Variants in VSIG10 observed in about 807,000 individuals in gnomAD.
VSIG10 encodes the protein V-set and immunoglobulin domain containing 10.
A neutral mutation model predicts 58.7 loss-of-function variants in VSIG10; 48 were observed. The observed-to-expected ratio is 0.82, with a 90% confidence interval of 0.65 to 1.04. The LOEUF is 1.04. Ranked by LOEUF, VSIG10 falls within the 50% of genes least tolerant of loss-of-function variation. The probability of loss-of-function intolerance (pLI) is 0.00; values close to 1 mark genes in which losing one functional copy is unlikely to be tolerated. For missense variants in VSIG10, 628 were observed against 670.0 expected (o/e 0.94, Z 0.69); for synonymous variants, 260 against 267.1 (o/e 0.97, Z 0.26).
At chr12:118,081,480 C>G (rs1444199055) in intron 3 of VSIG10, among the ~76,000 whole-genome samples, 1 of 151,874 alleles carries the variant, frequency 6.6e-6, no homozygotes, top group Admixed American at 6.6e-5. Flanking sequence ...AGCCACTGAG[C>G]CCATTCAATT....
At chr12:118,079,691 G>C in intron 3 of VSIG10, 85 bp from the exon 4 acceptor site, 1 of 1,543,612 alleles carries the variant, frequency 6.5e-7, no homozygotes, top group African/African-American at 1.4e-5. Flanking sequence ...GCAGAACCAG[G>C]GTCTCAGAGG....
chr12:118,093,085 C>T (rs1592889399), intron 2 of VSIG10, among the ~76,000 whole-genome samples: 4 of 150,844 alleles, frequency 2.7e-5, no homozygotes, highest in African/African-American at 7.3e-5. Context: ...GTCAGGAGAT[C>T]GAGACCATCC....
In VSIG10 at chr12:118,068,371, G is replaced by GC; in HGVS notation, c.1567+5dup. ...CTGTTTGTTTGTTTAAGGAAAAAGAGCTTACCTTGAAGATCCTGGAATCCA... is the reference window on the plus strand; with the variant it reads ...CTGTTTGTTTGTTTAAGGAAAAAGAGCCTTACCTTGAAGATCCTGGAATCCA... On this transcript the variant is annotated splice_donor_region_variant and intron_variant, in intron 8 of 8. Transcript: ENST00000359236. 6.2e-7 allele frequency: 1 copy of GC among 1,612,092 alleles called. No homozygotes were observed. Among genetic ancestry groups the GC allele is most frequent in the Non-Finnish European group, 8.5e-7 (1 of 1,179,092 alleles).
At position 118,068,216 on chromosome 12, in the gene VSIG10, G is replaced by A. The variant is rs554219513; in HGVS notation, c.1567+161C>T. On this transcript the variant is annotated intron_variant, in intron 8 of 8. Transcript: ENST00000359236. ...TTTCTTTTTTTTTTTTTTTTTTTTC[G>A]TAGAGACAGAGTCTCACCATGTTGC... 2.2e-4 allele frequency among the ~76,000 whole-genome samples: 19 copies of A among 86,118 alleles called. 1 individual carries two copies. The highest frequency in any genetic ancestry group is 1.3e-3 in the East Asian group (4 of 3,100). The allele number at this position is 86,118 out of a possible 152,430, so 56.5% of individuals were successfully genotyped here. A position where few individuals can be genotyped will look rare whatever the true frequency, so the allele number is the denominator to read the frequency against.
chr12:118,075,188 ATATATATGTGTGTGTGTG>A lies in VSIG10; in HGVS notation c.926-1214_926-1197del, dbSNP rs1191477897. 8.9e-3 allele frequency among the ~76,000 whole-genome samples: 1,298 copies of A among 146,618 alleles called. 22 individuals carry two copies. The highest frequency in any genetic ancestry group is 0.031 in the African/African-American group (1,199 of 38,816). ...TATATATATGTATATATGTGTGTAT[ATATATATGTGTGTGTGTG>A]TATATATGTGTGTGTGTGTATATAT... On this transcript the variant is annotated intron_variant, in intron 4 of 8. Coordinates refer to ENST00000359236, the MANE Select transcript of VSIG10 (RefSeq NM_019086.6).
At position 118,063,793 on chromosome 12, in the gene VSIG10, G is replaced by A. The variant is rs4128858; in HGVS notation, c.*2846C>T. 59,280 of 151,972 alleles carry A rather than the reference G, an allele frequency of 0.39. 11,824 individuals carry two copies. Among genetic ancestry groups the A allele is most frequent in the Middle Eastern group, 0.5 (148 of 294 alleles). The allele number at this position is 151,972 out of a possible 1,614,324, so 9.4% of individuals were successfully genotyped here. ...CACTTATTGCATCATAATACATTTT[G>A]CCTAGTAAGGATGATTTTCTAAGTC... is the stretch of plus-strand genomic sequence containing the variant. On this transcript the variant is annotated 3_prime_UTR_variant, in exon 9 of 9. Coordinates refer to ENST00000359236, the MANE Select transcript of VSIG10 (RefSeq NM_019086.6).
At chr12:118,080,662 C>A (rs1252970862) in intron 3 of VSIG10, among the ~76,000 whole-genome samples, 5 of 152,132 alleles carry the variant, frequency 3.3e-5, no homozygotes, top group African/African-American at 1.2e-4. Context: ...TGTGGTCCAT[C>A]CACGCAAGGA....
Position 118,071,075 on chromosome 12 carries a change from G to A in VSIG10, c.1331-8C>T. 1 of 1,595,620 alleles carries A rather than the reference G, an allele frequency of 6.3e-7. No homozygotes were observed. Among genetic ancestry groups the A allele is most frequent in the Non-Finnish European group, 8.5e-7 (1 of 1,170,466 alleles). On this transcript the variant is annotated splice_region_variant and splice_polypyrimidine_tract_variant and intron_variant, in intron 6 of 8. Transcript: ENST00000359236. ...ACCTGGAAGTGTTTCCTACTGAAGA[G>A]AGAAAGGAAAAACCATTAATATCCA...
intron 3 of VSIG10, among the ~76,000 whole-genome samples, chr12:118,080,808 G>A (rs1308759843): frequency 1.3e-5 from 2 of 152,210 alleles, no homozygotes; most frequent in Non-Finnish European, 2.9e-5. Context: ...TTCATATGAA[G>A]TGTACAGAAC....
chr12:118,081,231 G>A (rs1254179783), intron 3 of VSIG10, among the ~76,000 whole-genome samples: 2 of 152,108 alleles, frequency 1.3e-5, no homozygotes, highest in African/African-American at 4.8e-5. Flanking sequence ...GGGTGACAGA[G>A]CGAGACTCGG....
chr12:118,081,963 G>A (rs892589651), intron 3 of VSIG10, among the ~76,000 whole-genome samples, 164 bp downstream of exon 3: 1 of 151,260 alleles, frequency 6.6e-6, no homozygotes, highest in Non-Finnish European at 1.5e-5. Context: ...ATTGCGGCGA[G>A]GTGAGATCGC....
chr12:118,076,706 C>T (rs1170851889), intron 4 of VSIG10, among the ~76,000 whole-genome samples: 1 of 151,928 alleles, frequency 6.6e-6, no homozygotes, highest in Non-Finnish European at 1.5e-5. Flanking sequence ...TTCACTCTGA[C>T]ACCCAGGCCT....
Position 118,103,776 on chromosome 12 carries a change from G to A in VSIG10, c.-105C>T. 1.7e-6 allele frequency: 2 copies of A among 1,152,456 alleles called. No homozygotes were observed. Among genetic ancestry groups the A allele is most frequent in the Non-Finnish European group, 2.3e-6 (2 of 874,536 alleles). The allele number at this position is 1,152,456 out of a possible 1,614,324, so 71.4% of individuals were successfully genotyped here. A position where few individuals can be genotyped will look rare whatever the true frequency, so the allele number is the denominator to read the frequency against. Reference sequence around the variant, plus strand: ...TACCGAGGGCTCCTCCCAGGTCCTCGGAACGGCAGAGTGGCCCCACTTCCT... The same window carrying A: ...TACCGAGGGCTCCTCCCAGGTCCTCAGAACGGCAGAGTGGCCCCACTTCCT... On this transcript the variant is annotated 5_prime_UTR_variant, in exon 1 of 9. Transcript: ENST00000359236.
Position 118,070,951 on chromosome 12 carries a change from A to G in VSIG10, c.1346+101T>C, listed in dbSNP as rs1179136303. Reference sequence around the variant, plus strand: ...GTGTCTAGCACATCGTAGGTCCTCAATGGTAGTTGCTATTATTGTTCTTGT... The same window carrying G: ...GTGTCTAGCACATCGTAGGTCCTCAGTGGTAGTTGCTATTATTGTTCTTGT... On this transcript the variant is annotated intron_variant, in intron 7 of 8. Coordinates refer to ENST00000359236, the MANE Select transcript of VSIG10 (RefSeq NM_019086.6). 5.7e-6 allele frequency: 8 copies of G among 1,398,112 alleles called. 1 individual carries two copies. Among genetic ancestry groups the G allele is most frequent in the South Asian group, 2.5e-5 (2 of 81,158 alleles). 86.6% of individuals were successfully genotyped at this position (1,398,112 alleles called of 1,614,324 possible).
chr12:118,064,955 G>A lies in VSIG10; in HGVS notation c.*1684C>T, dbSNP rs959361131. ...ACTAGAGCAGATACGCAACATTAAA[G>A]AGTGCAAATTCAAGTCAGTTTTTCA... On this transcript the variant is annotated 3_prime_UTR_variant, in exon 9 of 9. Coordinates refer to ENST00000359236, the MANE Select transcript of VSIG10 (RefSeq NM_019086.6). The A allele has an allele frequency of 2.0e-5, 3 of 152,198 alleles. No individual in the cohort carries two copies. Among genetic ancestry groups the A allele is most frequent in the African/African-American group, 7.2e-5 (3 of 41,446 alleles). 9.4% of individuals were successfully genotyped at this position (152,198 alleles called of 1,614,324 possible).
intron 1 of VSIG10, among the ~76,000 whole-genome samples, chr12:118,096,061 G>A (rs2033446836): frequency 6.6e-6 from 1 of 151,868 alleles, no homozygotes; most frequent in Admixed American, 6.6e-5. Flanking sequence ...AAGTAGCTGG[G>A]ATTACAGGCA....
Position 118,068,492 on chromosome 12 carries a change from T to C in VSIG10, c.1452A>G (p.Ala484=), listed in dbSNP as rs1352444555. Residue 484 remains alanine (A), a synonymous_variant, in exon 8 of 9, where the codon GCA becomes GCG. Transcript: ENST00000359236. ...EDAAVGEQEG[A]REREELPKEI... ...CTTTTGGCAACTCCTCTCTCTCACG[T>C]GCTCCCTCCTGTTCCCCTACTGCAG... 1.9e-6 allele frequency: 3 copies of C among 1,613,390 alleles called. No individual in the cohort carries two copies. The South Asian group carries it at 3.3e-5, about 18-fold the overall frequency.
At chr12:118,100,548 T>G (rs2033597551) in intron 1 of VSIG10, among the ~76,000 whole-genome samples, 1 of 152,174 alleles carries the variant, frequency 6.6e-6, no homozygotes, top group Admixed American at 6.6e-5. Context: ...ACTTTTTTTT[T>G]GAGATGAAGT....
chr12:118,091,780 G>T (rs1009052640), intron 2 of VSIG10, among the ~76,000 whole-genome samples: 4 of 151,384 alleles, frequency 2.6e-5, no homozygotes, highest in African/African-American at 9.7e-5. Context: ...TTTTTGAGAC[G>T]GAGTTTCACT....
Sources: gnomAD v4.1 joint callset for allele counts (sites outside exome capture counted in the v4.1 genomes callset) on GRCh38, gnomAD v4.1.1 for gene constraint, MANE v1.5 for transcripts, NCBI Gene and HGNC (gene_info 2026-07-23, HGNC 2026-07-21) for gene names.